SMAP1: variants seen among roughly 807,000 people sequenced by gnomAD.
SMAP1 encodes small ArfGAP 1, also known as stromal membrane-associated protein 1.
A neutral mutation model predicts 58.5 loss-of-function variants in SMAP1; 24 were observed. The observed-to-expected ratio is 0.41, with a 90% CI of 0.30 to 0.58. SMAP1 has a LOEUF of 0.58. Ranked by LOEUF, SMAP1 falls within the 20% of genes least tolerant of loss-of-function variation. The pLI is 0.29. For missense variants in SMAP1, 563 were observed against 566.3 expected, an observed-to-expected ratio of 0.99 and a Z score of 0.06; for synonymous variants, 216 against 196.6, an observed-to-expected ratio of 1.10 and a Z score of -0.82.
intron 3 of SMAP1, among the ~76,000 whole-genome samples, chr6:70,768,997 T>C (rs566073939): frequency 7.9e-5 from 12 of 152,284 alleles, no homozygotes; most frequent in Admixed American, 7.8e-4. Flanking sequence ...TCTGCCTTCA[T>C]TTCGTTATGT....
Position 70,836,940 on chromosome 6 carries a change from G to T in SMAP1, c.577-1G>T, listed in dbSNP as rs776226619. ...AATAAATCCAATTATTTACTTTAAAGCTGCAGAAGAAAGATCAGCAACTGG... is the reference window on the plus strand; with the variant it reads ...AATAAATCCAATTATTTACTTTAAATCTGCAGAAGAAAGATCAGCAACTGG... On this transcript the variant is annotated splice_acceptor_variant, in intron 6 of 10. Transcript: ENST00000370455. LOFTEE classifies it high-confidence loss of function. The T allele has an allele frequency of 7.0e-6, 11 of 1,571,788 alleles. No homozygotes were observed. Among genetic ancestry groups the T allele is most frequent in the South Asian group, 2.5e-5 (2 of 81,360 alleles).
rs1771673277 is a variant in SMAP1 at position 70,860,544 on chromosome 6, T to C, written c.*210T>C. On this transcript the variant is annotated 3_prime_UTR_variant, in exon 11 of 11. Coordinates refer to ENST00000370455, the MANE Select transcript of SMAP1 (RefSeq NM_001044305.3). ...AAATCATTTTATGTCAAGGGCAGCT[T>C]TGCTCATATTTCCCATGATTTCATG... 2.1e-6 allele frequency: 1 copy of C among 486,300 alleles called. No homozygotes were observed. The allele number at this position is 486,300 out of a possible 1,614,324, so 30.1% of individuals were successfully genotyped here.
At chr6:70,782,688 TCCTCCC>T (rs1239086853) in intron 4 of SMAP1, among the ~76,000 whole-genome samples, 1 of 152,166 alleles carries the variant, frequency 6.6e-6, no homozygotes, top group African/African-American at 2.4e-5. Flanking sequence ...GCCTTCTTGG[TCCTCCC>T]CTGGAATTTC....
intron 3 of SMAP1, among the ~76,000 whole-genome samples, chr6:70,766,638 G>C (rs1767000363): frequency 6.6e-6 from 1 of 152,080 alleles, no homozygotes; most frequent in Non-Finnish European, 1.5e-5. Flanking sequence ...TGTAGATTCT[G>C]GTTATTAGCC....
rs575272757 is a variant in SMAP1 at position 70,840,676 on chromosome 6, T to G, written c.664+3648T>G. ...AATAGTACCTACAAGAGCTGCCTCA[T>G]ATTTAGATATTAATTTGTGTTTGAA... On this transcript the variant is annotated intron_variant, in intron 7 of 10. Transcript: ENST00000370455. Among the ~76,000 whole-genome samples, 310 of 152,344 alleles carry G rather than the reference T, an allele frequency of 2.0e-3. 1 individual carries two copies. Among genetic ancestry groups the G allele is most frequent in the African/African-American group, 6.1e-3 (253 of 41,584 alleles).
At chr6:70,685,201 T>TA (rs1257633461) in intron 1 of SMAP1, among the ~76,000 whole-genome samples, 1 of 152,054 alleles carries the variant, frequency 6.6e-6, no homozygotes, top group Non-Finnish European at 1.5e-5. Context: ...TTTTGTTTGG[T>TA]AAAAAATGTA....
At chr6:70,828,678 A>G (rs766116165) in intron 6 of SMAP1, among the ~76,000 whole-genome samples, 2 of 152,264 alleles carry the variant, frequency 1.3e-5, no homozygotes, top group African/African-American at 2.4e-5. Flanking sequence ...TGGAAATAGA[A>G]TAAAAATCTT....
At chr6:70,757,877 C>T (rs1310452170) in intron 3 of SMAP1, among the ~76,000 whole-genome samples, 6 of 151,484 alleles carry the variant, frequency 4.0e-5, no homozygotes, top group African/African-American at 1.2e-4. Flanking sequence ...ACAACAGGTG[C>T]TGGAGAGGAT....
At chr6:70,859,497 A>G in intron 10 of SMAP1, 2 of 886,076 alleles carry the variant, frequency 2.3e-6, no homozygotes, top group Non-Finnish European at 3.4e-6. Flanking sequence ...GAAACTGTAA[A>G]TAAGTCAAGT....
At chr6:70,802,421 G>T (rs1260125318) in intron 6 of SMAP1, among the ~76,000 whole-genome samples, 2 of 152,182 alleles carry the variant, frequency 1.3e-5, no homozygotes, top group East Asian at 3.8e-4. Flanking sequence ...AGACGATGGG[G>T]TTTTCTGGAT....
At chr6:70,761,914 CTT>C (rs1411558006) in intron 3 of SMAP1, among the ~76,000 whole-genome samples, 1 of 152,036 alleles carries the variant, frequency 6.6e-6, no homozygotes, top group Non-Finnish European at 1.5e-5. Context: ...TCTTCAAACT[CTT>C]GTCAACCTTG....
chr6:70,680,722 T>G (rs977322997), intron 1 of SMAP1, among the ~76,000 whole-genome samples: 2 of 141,238 alleles, frequency 1.4e-5, no homozygotes, highest in Non-Finnish European at 3.1e-5. Flanking sequence ...GTTTTTTTTT[T>G]TTTTTTTTTT....
chr6:70,696,264 TTTA>T (rs1055484733), intron 1 of SMAP1, among the ~76,000 whole-genome samples: 4 of 152,148 alleles, frequency 2.6e-5, no homozygotes, highest in Non-Finnish European at 4.4e-5. Flanking sequence ...TACTCTGATA[TTTA>T]TTATTTCTTT....
chr6:70,768,620 G>A (rs913925825), intron 3 of SMAP1, among the ~76,000 whole-genome samples: 5 of 151,958 alleles, frequency 3.3e-5, no homozygotes, highest in African/African-American at 4.8e-5. Flanking sequence ...TTTTTATTGC[G>A]TCTATTTGAT....
intron 1 of SMAP1, among the ~76,000 whole-genome samples, chr6:70,719,770 C>T (rs911258663): frequency 6.6e-6 from 1 of 152,136 alleles, no homozygotes; most frequent in African/African-American, 2.4e-5. Flanking sequence ...CTCATAAACC[C>T]ATCAGATCTC....
intron 1 of SMAP1, among the ~76,000 whole-genome samples, chr6:70,690,645 A>G (rs77757079): frequency 0.061 from 9,277 of 151,214 alleles, 429 homozygotes; most frequent in South Asian, 0.18. Flanking sequence ...CACACATTAA[A>G]CTGCATTCCT....
chr6:70,754,798 T>C (rs554514783), intron 2 of SMAP1, among the ~76,000 whole-genome samples, 182 bp from the exon 3 acceptor site: 1 of 152,212 alleles, frequency 6.6e-6, no homozygotes, highest in African/African-American at 2.4e-5. Flanking sequence ...ATTAAAAATA[T>C]GCTTCTGTTT....
At chr6:70,699,242 C>T (rs1767530326) in intron 1 of SMAP1, among the ~76,000 whole-genome samples, 1 of 152,208 alleles carries the variant, frequency 6.6e-6, no homozygotes, top group African/African-American at 2.4e-5. Context: ...CCTTACTTTC[C>T]TGCAAACAAA....
In SMAP1 at chr6:70,739,624, T is replaced by C. The variant is rs143246170; in HGVS notation, c.252+7113T>C. 3.0e-4 allele frequency among the ~76,000 whole-genome samples: 46 copies of C among 152,220 alleles called. 1 individual carries two copies. The East Asian group carries it at 8.7e-3, about 29-fold the overall frequency. ...TATATCTTTTTTTGTTTCAGTGAAGTTTTTTGAGTTACAGTTTATTTTTGA... is the reference window on the plus strand; with the variant it reads ...TATATCTTTTTTTGTTTCAGTGAAGCTTTTTGAGTTACAGTTTATTTTTGA... On this transcript the variant is annotated intron_variant, in intron 2 of 10. Transcript: ENST00000370455.
Sources: allele counts gnomAD v4.1 joint callset (sites outside exome capture counted in the v4.1 genomes callset), GRCh38; gene constraint gnomAD v4.1.1; transcripts MANE v1.5; gene names NCBI Gene and HGNC (gene_info 2026-07-23, HGNC 2026-07-21).